Variants in TMCC3 observed in about 807,000 individuals in gnomAD.
The protein encoded by TMCC3 is transmembrane and coiled-coil domain protein 3.
A neutral mutation model predicts 40.2 loss-of-function variants in TMCC3; 28 were observed. The observed-to-expected ratio is 0.70, with a 90% confidence interval of 0.52 to 0.95. The LOEUF (loss-of-function observed/expected upper bound fraction) is 0.95. Among genes scored for constraint, TMCC3 ranks in the 40% least tolerant of loss-of-function variants. TMCC3 has a pLI of 0.00. For missense variants in TMCC3, 554 were observed against 615.2 expected, an observed-to-expected ratio of 0.90 and a Z score of 1.05; for synonymous variants, 255 against 248.5, an observed-to-expected ratio of 1.03 and a Z score of -0.25.
chr12:94,588,656 C>T (rs546523000), intron 1 of TMCC3, among the ~76,000 whole-genome samples: 5 of 152,266 alleles, frequency 3.3e-5, no homozygotes, highest in Admixed American at 6.5e-5. Context: ...TACAAGTCTT[C>T]GTGGCCTTGG....
At chr12:94,590,640 T>C (rs150711182) in intron 1 of TMCC3, among the ~76,000 whole-genome samples, 26 of 152,262 alleles carry the variant, frequency 1.7e-4, no homozygotes, top group Non-Finnish European at 3.1e-4. Flanking sequence ...TGCTGGCTGA[T>C]ACAGCTGGGA....
chr12:94,647,289 G>T (rs904325159), intron 1 of TMCC3, among the ~76,000 whole-genome samples: 4 of 152,148 alleles, frequency 2.6e-5, no homozygotes, highest in African/African-American at 9.7e-5. Context: ...GGGGGGAGGG[G>T]TTATCTAGGT....
intron 1 of TMCC3, among the ~76,000 whole-genome samples, chr12:94,604,803 C>CA (rs11400128): frequency 0.51 from 27,448 of 53,420 alleles, 8,326 homozygotes; most frequent in South Asian, 0.64. Context: ...GACTTCATCT[C>CA]AAAAAAAAAA....
chr12:94,595,278 T>A (rs778806418), intron 1 of TMCC3, among the ~76,000 whole-genome samples: 1 of 152,192 alleles, frequency 6.6e-6, no homozygotes, highest in Non-Finnish European at 1.5e-5. Context: ...AGGTATGTCA[T>A]CTTGCCCAGA....
intron 1 of TMCC3, among the ~76,000 whole-genome samples, chr12:94,630,598 T>C (rs1183204870): frequency 1.3e-5 from 2 of 152,210 alleles, no homozygotes; most frequent in African/African-American, 2.4e-5. Flanking sequence ...AGGTGGAGCC[T>C]TGTCATAGTG....
chr12:94,581,091 A>G (rs563434748), intron 2 of TMCC3, among the ~76,000 whole-genome samples: 1 of 152,226 alleles, frequency 6.6e-6, no homozygotes, highest in South Asian at 2.1e-4. Flanking sequence ...TCAGATTTTG[A>G]TTTTTTTCAG....
rs548757280 is a variant in TMCC3 at position 94,581,937 on chromosome 12, A to C, written c.680T>G (p.Leu227Ter). The change falls in exon 2 of 4, where the codon TTA becomes TGA. Residue 227 changes from leucine to a stop codon, truncating the protein, a stop_gained. Coordinates refer to ENST00000261226, the MANE Select transcript of TMCC3 (RefSeq NM_020698.4). LOFTEE classifies it high-confidence loss of function. ...ACTCGCCTCTGGCCTAAACTCCTCT[A>C]AGGAATTTTTCAAGTGAGCAATGTT... ...ADNIAHLKNS[L>*]EEFRPEASAR... 4 of 1,614,050 alleles carry C rather than the reference A, an allele frequency of 2.5e-6. No homozygotes were observed. The highest frequency in any genetic ancestry group is 3.4e-6 in the Non-Finnish European group (4 of 1,180,030).
chr12:94,641,016 A>G (rs527760786), intron 1 of TMCC3, among the ~76,000 whole-genome samples: 3 of 152,312 alleles, frequency 2.0e-5, no homozygotes, highest in African/African-American at 7.2e-5. Context: ...CCTGGTCAAC[A>G]TGGTGAAACC....
Position 94,602,335 on chromosome 12 carries a change from A to T in TMCC3, c.79-19797T>A, listed in dbSNP as rs78819521. Among the ~76,000 whole-genome samples, 483 of 152,362 alleles carry T rather than the reference A, an allele frequency of 3.2e-3. 3 individuals are homozygous for T. Among genetic ancestry groups the T allele is most frequent in the African/African-American group, 0.01 (435 of 41,590 alleles). The stretch of plus-strand genomic sequence containing the variant: ...TTACCCTAAGACCTCGCATACTGAG[A>T]ACAATCCTTGTGGTTTTCACAGGGC... On this transcript the variant is annotated intron_variant, in intron 1 of 3. Coordinates refer to ENST00000261226, the MANE Select transcript of TMCC3 (RefSeq NM_020698.4).
At chr12:94,623,927 G>C (rs1017037393) in intron 1 of TMCC3, among the ~76,000 whole-genome samples, 9 of 152,234 alleles carry the variant, frequency 5.9e-5, no homozygotes, top group African/African-American at 2.2e-4. Flanking sequence ...GAAATGACTA[G>C]TAAGAAGGAA....
At chr12:94,630,721 T>TTTTTGTTTTGTTTTG (rs373879541) in intron 1 of TMCC3, among the ~76,000 whole-genome samples, 11 of 151,892 alleles carry the variant, frequency 7.2e-5, no homozygotes, top group South Asian at 2.1e-4. Flanking sequence ...ACGTTTTGTG[T>TTTTTGTTTTGTTTTG]TTTTGTTTTG....
Position 94,570,863 on chromosome 12 carries a change from A to C in TMCC3, c.*572T>G, listed in dbSNP as rs1387405261. 1.3e-5 allele frequency: 2 copies of C among 152,934 alleles called. No homozygotes were observed. Among genetic ancestry groups the C allele is most frequent in the African/African-American group, 4.8e-5 (2 of 41,448 alleles). 9.5% of individuals were successfully genotyped at this position (152,934 alleles called of 1,614,324 possible). ...CTTGTTGGATAACAGGTGTGTGATAAGATTTCCACGTTACAGGGTCATACA... is the reference window on the plus strand; with the variant it reads ...CTTGTTGGATAACAGGTGTGTGATACGATTTCCACGTTACAGGGTCATACA... On this transcript the variant is annotated 3_prime_UTR_variant, in exon 4 of 4. Transcript: ENST00000261226.
At chr12:94,581,513 G>C (rs751969713) in intron 2 of TMCC3, 109 bp downstream of exon 2, 86 of 673,306 alleles carry the variant, frequency 1.3e-4, no homozygotes, top group Non-Finnish European at 2.5e-5. Flanking sequence ...TACCCACTAA[G>C]TATCCGTGGT....
In TMCC3 at chr12:94,571,499, G is replaced by A; in HGVS notation, c.1370C>T (p.Ala457Val). 1 of 1,614,014 alleles carries A rather than the reference G, an allele frequency of 6.2e-7. No individual in the cohort carries two copies. The highest frequency in any genetic ancestry group is 8.5e-7 in the Non-Finnish European group (1 of 1,180,012). Residue 457 changes from alanine (A) to valine (V), a missense_variant, in exon 4 of 4, where the codon GCT becomes GTT. Transcript: ENST00000261226. ...LGTFFAVTLL[A>V]IFCKNWDHIL... is the part of the protein sequence containing the mutation. ...ATGGTCCCAGTTTTTACAAAATATA[G>A]CAAGAAGAGTCACGGCAAAGAAGGT...
At chr12:94,626,539 C>T (rs1312751450) in intron 1 of TMCC3, among the ~76,000 whole-genome samples, 1 of 152,218 alleles carries the variant, frequency 6.6e-6, no homozygotes, top group African/African-American at 2.4e-5. Flanking sequence ...ATAGTGAACT[C>T]AAATATTATA....
At chr12:94,639,304 G>A (rs1246206775) in intron 1 of TMCC3, among the ~76,000 whole-genome samples, 1 of 152,138 alleles carries the variant, frequency 6.6e-6, no homozygotes, top group Non-Finnish European at 1.5e-5. Flanking sequence ...TGATGAGGCC[G>A]AGTATGGTGG....
At chr12:94,638,763 A>G (rs1470812009) in intron 1 of TMCC3, among the ~76,000 whole-genome samples, 1 of 152,252 alleles carries the variant, frequency 6.6e-6, no homozygotes, top group Non-Finnish European at 1.5e-5. Flanking sequence ...TTTCTGGATG[A>G]TCACAACATC....
chr12:94,599,559 C>CG (rs995919946), intron 1 of TMCC3, among the ~76,000 whole-genome samples: 6 of 94,384 alleles, frequency 6.4e-5, no homozygotes, highest in African/African-American at 2.5e-4. Flanking sequence ...AAAAGATACC[C>CG]CCCCCCCCGC....
In TMCC3 at chr12:94,568,737, T is replaced by A. The variant is rs1289495692; in HGVS notation, c.*2698A>T. On this transcript the variant is annotated 3_prime_UTR_variant, in exon 4 of 4. Coordinates refer to ENST00000261226, the MANE Select transcript of TMCC3 (RefSeq NM_020698.4). Reference sequence around the variant, plus strand: ...TCTTATTAAAAAGTACAAAGTTTCATGAACTTTCAACAAGACTGCAAAATA... The same window carrying A: ...TCTTATTAAAAAGTACAAAGTTTCAAGAACTTTCAACAAGACTGCAAAATA... 1 of 152,192 alleles carries A rather than the reference T, an allele frequency of 6.6e-6. No homozygotes were observed. The highest frequency in any genetic ancestry group is 1.5e-5 in the Non-Finnish European group (1 of 68,040). 9.4% of individuals were successfully genotyped at this position (152,192 alleles called of 1,614,324 possible). A position where few individuals can be genotyped will look rare whatever the true frequency, so the allele number is the denominator to read the frequency against.
Sources: gnomAD v4.1 joint callset for allele counts (sites outside exome capture counted in the v4.1 genomes callset) on GRCh38, gnomAD v4.1.1 for gene constraint, MANE v1.5 for transcripts, NCBI Gene and HGNC (gene_info 2026-07-23, HGNC 2026-07-21) for gene names.